The following PRTFDC1 variants were observed in gnomAD, a reference collection of about 807,000 sequenced individuals.
The protein encoded by PRTFDC1 is phosphoribosyl transferase domain containing 1.
A neutral mutation model predicts 34.6 loss-of-function variants in PRTFDC1; 38 were observed. That is an observed-to-expected ratio of 1.10 (90% CI 0.85 to 1.44). The LOEUF is 1.44. Ranked by LOEUF, PRTFDC1 falls within the 40% of genes most tolerant of loss-of-function variation. PRTFDC1 has a pLI of 0.00. For synonymous variants in PRTFDC1, 93 were observed against 98.1 expected (o/e 0.95, Z 0.31); for missense variants, 270 against 283.0 (o/e 0.95, Z 0.33).
In PRTFDC1 at chr10:24,876,277, A is replaced by AT. The variant is rs924130454; in HGVS notation, c.340-4215dup. Among the ~76,000 whole-genome samples, 25 of 149,992 alleles carry AT rather than the reference A, an allele frequency of 1.7e-4. 1 individual carries two copies. Among genetic ancestry groups the AT allele is most frequent in the South Asian group, 6.4e-4 (3 of 4,722 alleles). ...AAAACTGTCTTGGTTACTTTTGTACATTTTTTTTTTCCTGTCTGGTAGATT... is the reference window on the plus strand; with the variant it reads ...AAAACTGTCTTGGTTACTTTTGTACATTTTTTTTTTTCCTGTCTGGTAGATT... On this transcript the variant is annotated intron_variant, in intron 3 of 8. Transcript: ENST00000320152.
chr10:24,868,725 C>A (rs1385535213), intron 4 of PRTFDC1, among the ~76,000 whole-genome samples: 2 of 152,160 alleles, frequency 1.3e-5, no homozygotes, highest in Non-Finnish European at 2.9e-5. Context: ...ATATTTATTG[C>A]AGTTTCAGAC....
intron 1 of PRTFDC1, among the ~76,000 whole-genome samples, chr10:24,950,023 C>T (rs1849315511): frequency 6.6e-6 from 1 of 152,106 alleles, no homozygotes; most frequent in Non-Finnish European, 1.5e-5. Flanking sequence ...TATGAGCCAC[C>T]TCACCTGGCC....
chr10:24,876,974 A>C (rs1847977137), intron 3 of PRTFDC1, among the ~76,000 whole-genome samples: 1 of 152,030 alleles, frequency 6.6e-6, no homozygotes, highest in Admixed American at 6.6e-5. Context: ...GGAAACTTAG[A>C]GGTTCAGCTT....
chr10:24,951,188 G>T (rs1297031917), intron 1 of PRTFDC1, among the ~76,000 whole-genome samples: 1 of 152,092 alleles, frequency 6.6e-6, no homozygotes, highest in Admixed American at 6.5e-5. Context: ...TCACCGCAGA[G>T]AGGCTGCCCT....
chr10:24,856,831 T>C (rs1425252149), intron 6 of PRTFDC1, 82 bp downstream of exon 6: 2 of 1,268,684 alleles, frequency 1.6e-6, no homozygotes, highest in Non-Finnish European at 2.3e-6. Context: ...TTACACTCTT[T>C]GGAAAGAGCA....
At chr10:24,863,728 G>C (rs1273308631) in intron 4 of PRTFDC1, among the ~76,000 whole-genome samples, 1 of 152,104 alleles carries the variant, frequency 6.6e-6, no homozygotes. Context: ...ACATGAGTAG[G>C]AGTTTGGAAG....
At chr10:24,924,464 G>T (rs1338814553) in intron 3 of PRTFDC1, among the ~76,000 whole-genome samples, 1 of 152,170 alleles carries the variant, frequency 6.6e-6, no homozygotes, top group Non-Finnish European at 1.5e-5. Flanking sequence ...AGCCAAAATA[G>T]ACAAATGGGA....
At chr10:24,896,627 T>A (rs746888724) in intron 3 of PRTFDC1, among the ~76,000 whole-genome samples, 9 of 152,200 alleles carry the variant, frequency 5.9e-5, no homozygotes, top group Non-Finnish European at 8.8e-5. Flanking sequence ...TGGAGGCACT[T>A]CAGAGGAAAG....
At chr10:24,947,627 A>C (rs1255073167) in intron 1 of PRTFDC1, among the ~76,000 whole-genome samples, 3 of 151,924 alleles carry the variant, frequency 2.0e-5, no homozygotes, top group Non-Finnish European at 4.4e-5. Flanking sequence ...GTCATTAAAA[A>C]TAATTTTTTT....
rs1259461329 is a variant in PRTFDC1, at chr10:24,952,133, TG to T, written c.48+394del. Reference sequence around the variant, plus strand: ...TAAAAACAAAACTTGAAGCCCGCCCTGGAGGAGTCAAGAGGAGACCCAGGAA... The same window carrying T: ...TAAAAACAAAACTTGAAGCCCGCCCTGAGGAGTCAAGAGGAGACCCAGGAA... On this transcript the variant is annotated intron_variant, in intron 1 of 8. Transcript: ENST00000320152. The surrounding 1 kb of genome is among the most constrained non-coding windows in gnomAD (Gnocchi z 5.1). Among the ~76,000 whole-genome samples the T allele has an allele frequency of 6.6e-6, 1 of 152,178 alleles. No homozygotes were observed. The highest frequency in any genetic ancestry group is 1.9e-4 in the East Asian group (1 of 5,174).
intron 3 of PRTFDC1, among the ~76,000 whole-genome samples, chr10:24,933,171 A>T (rs912853966): frequency 6.6e-5 from 10 of 152,112 alleles, no homozygotes; most frequent in East Asian, 1.9e-4. Flanking sequence ...TTCTCTTTTT[A>T]AAAAAAGGAG....
At chr10:24,872,765 T>C (rs1010351492) in intron 3 of PRTFDC1, among the ~76,000 whole-genome samples, 2 of 122,662 alleles carry the variant, frequency 1.6e-5, no homozygotes, top group African/African-American at 2.9e-5. Context: ...CACGTGTGTG[T>C]GTATATATAT....
intron 3 of PRTFDC1, among the ~76,000 whole-genome samples, chr10:24,876,411 T>G (rs1413527155): frequency 6.6e-6 from 1 of 152,034 alleles, no homozygotes; most frequent in African/African-American, 2.4e-5. Flanking sequence ...TAAAAAATTT[T>G]ATGGCCAAGG....
intron 1 of PRTFDC1, among the ~76,000 whole-genome samples, chr10:24,944,809 G>A (rs1849228404): frequency 6.6e-6 from 1 of 151,856 alleles, no homozygotes. Flanking sequence ...AAAAACAAAG[G>A]ACATCCTATC....
chr10:24,899,264 C>T lies in PRTFDC1; in HGVS notation c.340-27201G>A, dbSNP rs1588601699. On this transcript the variant is annotated intron_variant, in intron 3 of 8. Transcript: ENST00000320152. The stretch of plus-strand genomic sequence containing the variant: ...CCCCAATTTGTGTCTCCCACAACAT[C>T]AGTTGATAATATTATTGGTCAATGC... 2.6e-5 allele frequency among the ~76,000 whole-genome samples: 4 copies of T among 152,152 alleles called. No homozygotes were observed. The South Asian group carries it at 8.3e-4, about 32-fold the overall frequency.
rs542790367 is a variant in PRTFDC1, at chr10:24,853,349, C to T, written c.554-1885G>A. Among the ~76,000 whole-genome samples the T allele has an allele frequency of 1.8e-4, 28 of 151,530 alleles. No homozygotes were observed. The East Asian group carries it at 4.3e-3, about 23-fold the overall frequency. On this transcript the variant is annotated intron_variant, in intron 7 of 8. Transcript: ENST00000320152. ...AAAAAAGGTAAGGTGCAGTGGCTCACGCCTGTAATCCCAGCACTTTGAGAG... is the reference window on the plus strand; with the variant it reads ...AAAAAAGGTAAGGTGCAGTGGCTCATGCCTGTAATCCCAGCACTTTGAGAG...
intron 3 of PRTFDC1, among the ~76,000 whole-genome samples, chr10:24,917,882 G>C (rs1332650648): frequency 1.3e-5 from 2 of 152,204 alleles, no homozygotes; most frequent in African/African-American, 2.4e-5. Flanking sequence ...GGCTGCTAAG[G>C]AAGAGAGCTG....
At chr10:24,873,112 C>T (rs748702104) in intron 3 of PRTFDC1, among the ~76,000 whole-genome samples, 3 of 152,188 alleles carry the variant, frequency 2.0e-5, no homozygotes, top group Non-Finnish European at 4.4e-5. Flanking sequence ...AGATAGGCGC[C>T]ACCATGCCTG....
chr10:24,939,841 A>T (rs1437556355), intron 2 of PRTFDC1, among the ~76,000 whole-genome samples: 1 of 151,768 alleles, frequency 6.6e-6, no homozygotes, highest in Non-Finnish European at 1.5e-5. Flanking sequence ...TTTAAATATA[A>T]ATATAAAAAC....
Sources: allele counts gnomAD v4.1 joint callset (sites outside exome capture counted in the v4.1 genomes callset), GRCh38; gene constraint gnomAD v4.1.1; non-coding constraint Gnocchi (gnomAD v3.1); transcripts MANE v1.5; gene names NCBI Gene and HGNC (gene_info 2026-07-23, HGNC 2026-07-21).